Variants in MLPH observed in about 807,000 individuals in gnomAD.
MLPH encodes the protein exophilin-3.
Under a neutral mutation model 72.1 loss-of-function variants are expected in MLPH, and 51 were observed. That is an observed-to-expected ratio of 0.71 (90% CI 0.56 to 0.89). The LOEUF (loss-of-function observed/expected upper bound fraction) is 0.89, where lower values mean the gene tolerates loss of function less well. MLPH is among the 40% of genes least tolerant of loss of function. The pLI, the probability that MLPH is intolerant of heterozygous loss-of-function variation, is 0.00. For synonymous variants in MLPH, 301 were observed against 310.1 expected, an observed-to-expected ratio of 0.97 and a Z score of 0.31; for missense variants, 743 against 759.9, an observed-to-expected ratio of 0.98 and a Z score of 0.26.
chr2:237,527,537 T>C (rs1255219608), intron 8 of MLPH, 21 bp downstream of exon 8: 2 of 1,613,954 alleles, frequency 1.2e-6, no homozygotes, highest in South Asian at 2.2e-5. Flanking sequence ...CTGGAAAGAC[T>C]TCTGTCTTGT....
chr2:237,553,455 T>A, intron 15 of MLPH, 111 bp from the exon 16 acceptor site: 1 of 991,230 alleles, frequency 1.0e-6, no homozygotes, highest in Non-Finnish European at 1.6e-6. Context: ...TCTACAGATG[T>A]GCACATCCAT....
In MLPH at chr2:237,542,537, A is replaced by G. The variant is rs1157904756; in HGVS notation, c.1447-30A>G. On this transcript the variant is annotated intron_variant, in intron 11 of 15. Transcript: ENST00000264605. ...AGGCGGGATCTCGAGCGTCTGTCTG[A>G]CGGGCCTTCTGTCTGCTGTCCTCTC... 3.2e-6 allele frequency: 5 copies of G among 1,540,676 alleles called. No homozygotes were observed. The East Asian group carries it at 1.2e-4, about 36-fold the overall frequency.
chr2:237,540,356 T>A lies in MLPH; in HGVS notation c.1113T>A (p.Gly371=), dbSNP rs1348995501. The A allele has an allele frequency of 6.2e-7, 1 of 1,613,442 alleles. No homozygotes were observed. The highest frequency in any genetic ancestry group is 1.3e-5 in the African/African-American group (1 of 74,920). Residue 371 remains glycine, a synonymous_variant, in exon 10 of 16, where the codon GGT becomes GGA. Coordinates refer to ENST00000264605, the MANE Select transcript of MLPH (RefSeq NM_024101.7). ...TVVPPLAKGL[G]AGVRTEADVE... ...CTGGCCTGTTCTGTCAGGGTCTAGG[T>A]GCTGGAGTGCGCACGGAGGCCGATG... is the stretch of plus-strand genomic sequence containing the variant.
intron 1 of MLPH, among the ~76,000 whole-genome samples, 184 bp from the exon 2 acceptor site, chr2:237,493,219 C>T (rs1262189040): frequency 6.6e-6 from 1 of 152,184 alleles, no homozygotes; most frequent in Non-Finnish European, 1.5e-5. Flanking sequence ...GGGAATTTTG[C>T]ATAGATTCAC....
At chr2:237,500,219 C>T (rs368320347) in intron 2 of MLPH, among the ~76,000 whole-genome samples, 2 of 152,156 alleles carry the variant, frequency 1.3e-5, no homozygotes, top group Admixed American at 1.3e-4. Context: ...TTCGCAGGGT[C>T]GAGGGCCCTG....
rs114935626 is a variant in MLPH at position 237,500,840 on chromosome 2, A to G, written c.110+7304A>G. Among the ~76,000 whole-genome samples, 455 of 151,858 alleles carry G rather than the reference A, an allele frequency of 3.0e-3. 2 individuals are homozygous for G. Among genetic ancestry groups the G allele is most frequent in the African/African-American group, 0.01 (421 of 41,408 alleles). ...ATACAGCCACTGCTCACCGCCCTCA[A>G]TGCCAGCCTCAGGTCACGCCACACT... On this transcript the variant is annotated intron_variant, in intron 2 of 15. Transcript: ENST00000264605.
chr2:237,555,017 C>G lies in MLPH; in HGVS notation c.*1425C>G, dbSNP rs1291802949. The G allele has an allele frequency of 6.6e-6, 1 of 152,026 alleles. No individual in the cohort carries two copies. Among genetic ancestry groups the G allele is most frequent in the Non-Finnish European group, 1.5e-5 (1 of 68,002 alleles). 9.4% of individuals were successfully genotyped at this position (152,026 alleles called of 1,614,324 possible). A position where few individuals can be genotyped will look rare whatever the true frequency, so the allele number is the denominator to read the frequency against. ...GGTAAGGTGGCTCATACCTATAATC[C>G]CAGCCCTTTGAGAGGCCAAGGTGGG... On this transcript the variant is annotated 3_prime_UTR_variant, in exon 16 of 16. Transcript: ENST00000264605.
chr2:237,517,701 ATGGATGGATGGATGGATAAGTAAGTGGG>A (rs1159161032), intron 4 of MLPH, among the ~76,000 whole-genome samples: 2 of 133,898 alleles, frequency 1.5e-5, no homozygotes, highest in Admixed American at 7.3e-5. Context: ...GGATGGATGG[ATGGATGGATGGATGGATAAGTAAGTGGG>A]TGGATGGATG....
At position 237,540,433 on chromosome 2, in the gene MLPH, G is replaced by A; in HGVS notation, c.1190G>A (p.Ser397Asn). 1.2e-6 allele frequency: 2 copies of A among 1,612,916 alleles called. No individual in the cohort carries two copies. The highest frequency in any genetic ancestry group is 1.7e-6 in the Non-Finnish European group (2 of 1,179,382). The part of the protein sequence containing the change: ...RKLEELTSNV[S>N]DQETSSEEEE... The stretch of plus-strand genomic sequence containing the variant: ...CTGGAGGAGCTGACCAGCAACGTCA[G>A]TGACCAGGAGACCTCGTCCGAGGAG... The change falls in exon 10 of 16, where the codon AGT (serine) becomes AAT (asparagine). Residue 397 changes from serine (S) to asparagine (N), a missense_variant. By Grantham distance (46) the Ser-to-Asn change is conservative. Transcript: ENST00000264605.
Position 237,540,499 on chromosome 2 carries a change from A to G in MLPH, c.1256A>G (p.Lys419Arg), listed in dbSNP as rs755748213. 8 of 1,612,516 alleles carry G rather than the reference A, an allele frequency of 5.0e-6. No homozygotes were observed. The Admixed American group carries it at 8.3e-5, about 17-fold the overall frequency. ...KDEKAEPNRD[K>R]SVGPLPQADP... is the part of the protein sequence containing the mutation. The stretch of plus-strand genomic sequence containing the variant: ...GAAAAGGCAGAGCCCAACAGGGACA[A>G]ATCAGTTGGGCCTCTCCCCCAGGCG... The change falls in exon 10 of 16, where the codon AAA becomes AGA. Residue 419 changes from lysine (K) to arginine (R), a missense_variant. Coordinates refer to ENST00000264605, the MANE Select transcript of MLPH (RefSeq NM_024101.7).
rs2081080475 is a variant in MLPH at position 237,553,634 on chromosome 2, C to T, written c.*42C>T. On this transcript the variant is annotated 3_prime_UTR_variant, in exon 16 of 16. Transcript: ENST00000264605. ...GACAGAGCAGCCCTGCACTGTTTTC[C>T]CTCCACCACAGCCATCCTGTCCCTC... The T allele has an allele frequency of 3.1e-6, 5 of 1,614,060 alleles. No homozygotes were observed. In the Admixed American group the frequency reaches 8.3e-5, roughly 27 times the overall value.
chr2:237,520,227 A>G (rs901358502), intron 6 of MLPH, among the ~76,000 whole-genome samples, 198 bp downstream of exon 6: 1 of 152,152 alleles, frequency 6.6e-6, no homozygotes, highest in Non-Finnish European at 1.5e-5. Flanking sequence ...CAGGATTAGC[A>G]TGTCTGGAGA....
chr2:237,553,686 C>T lies in MLPH; in HGVS notation c.*94C>T. ...TTGGCTCTGTGCTTTCCACTATACA[C>T]AGTCACCGTCCCAATGAGAAACAAG... On this transcript the variant is annotated 3_prime_UTR_variant, in exon 16 of 16. Transcript: ENST00000264605. 2 of 1,530,832 alleles carry T rather than the reference C, an allele frequency of 1.3e-6. No homozygotes were observed. Among genetic ancestry groups the T allele is most frequent in the Admixed American group, 3.3e-5 (2 of 59,918 alleles). 94.8% of individuals were successfully genotyped at this position (1,530,832 alleles called of 1,614,324 possible). A position where few individuals can be genotyped will look rare whatever the true frequency, so the allele number is the denominator to read the frequency against.
At chr2:237,521,120 A>T (rs1488656361) in intron 6 of MLPH, among the ~76,000 whole-genome samples, 2 of 152,212 alleles carry the variant, frequency 1.3e-5, no homozygotes, top group Non-Finnish European at 2.9e-5. Context: ...CGATTGTTAG[A>T]TGCTTAATTG....
At chr2:237,533,831 C>T (rs141078847) in intron 8 of MLPH, among the ~76,000 whole-genome samples, 5 of 152,378 alleles carry the variant, frequency 3.3e-5, no homozygotes, top group African/African-American at 7.2e-5. Context: ...TCATGTTCTT[C>T]GGGCAGATTT....
At chr2:237,498,009 C>T (rs528135527) in intron 2 of MLPH, among the ~76,000 whole-genome samples, 7 of 152,256 alleles carry the variant, frequency 4.6e-5, no homozygotes, top group East Asian at 3.9e-4. Context: ...GAGGGAAGCC[C>T]GTGGGCGCGA....
At position 237,509,040 on chromosome 2, in the gene MLPH, C is replaced by T. The variant is rs190937491; in HGVS notation, c.111-1534C>T. On this transcript the variant is annotated intron_variant, in intron 2 of 15. Transcript: ENST00000264605. ...TAGCAGAGTGCATGGAGTGCTCTGGCCCCATTCACTCCTCAGGATCGGAAG... is the reference window on the plus strand; with the variant it reads ...TAGCAGAGTGCATGGAGTGCTCTGGTCCCATTCACTCCTCAGGATCGGAAG... Among the ~76,000 whole-genome samples, 162 of 152,298 alleles carry T rather than the reference C, an allele frequency of 1.1e-3. 1 individual carries two copies. The highest frequency in any genetic ancestry group is 1.0e-2 in the Admixed American group (153 of 15,304).
chr2:237,523,598 T>C lies in MLPH; in HGVS notation c.676-2003T>C, dbSNP rs149990097. Among the ~76,000 whole-genome samples, 431 of 152,302 alleles carry C rather than the reference T, an allele frequency of 2.8e-3. 3 individuals carry two copies. The highest frequency in any genetic ancestry group is 1.0e-2 in the African/African-American group (415 of 41,560). On this transcript the variant is annotated intron_variant, in intron 6 of 15. Coordinates refer to ENST00000264605, the MANE Select transcript of MLPH (RefSeq NM_024101.7). ...GCTACAGCATGCAAACCCCATAATT[T>C]AGGGTTTAAGGATAACAGGAAGATG...
At chr2:237,508,659 A>C (rs886099489) in intron 2 of MLPH, among the ~76,000 whole-genome samples, 1 of 152,042 alleles carries the variant, frequency 6.6e-6, no homozygotes, top group Non-Finnish European at 1.5e-5. Context: ...TTTGAAGACC[A>C]CTCTTCGAAA....
Sources: gnomAD v4.1 joint callset for allele counts (sites outside exome capture counted in the v4.1 genomes callset) on GRCh38, gnomAD v4.1.1 for gene constraint, MANE v1.5 for transcripts, NCBI Gene and HGNC (gene_info 2026-07-23, HGNC 2026-07-21) for gene names.